The following PEX5L variants were observed in gnomAD, a reference collection of about 807,000 sequenced individuals.
PEX5L encodes the protein peroxisomal biogenesis factor 5 like, also known as PEX5-related protein.
In PEX5L, 30 loss-of-function variants were observed where a neutral mutation model predicts 84.0. The observed-to-expected ratio is 0.36, with a 90% confidence interval of 0.27 to 0.48. The LOEUF is 0.48. PEX5L is among the 20% of genes least tolerant of loss of function. The pLI is 0.99. For synonymous variants in PEX5L, 270 were observed against 283.1 expected (o/e 0.95, Z 0.46); for missense variants, 533 against 754.6 (o/e 0.71, Z 3.44).
intron 8 of PEX5L, among the ~76,000 whole-genome samples, chr3:179,829,415 T>A (rs2109094377): frequency 6.6e-6 from 1 of 152,334 alleles, no homozygotes; most frequent in African/African-American, 2.4e-5. Flanking sequence ...GCAGGAATCT[T>A]GGGGTTAGAT....
intron 2 of PEX5L, among the ~76,000 whole-genome samples, chr3:179,958,933 A>C (rs1441448420): frequency 6.6e-6 from 1 of 152,124 alleles, no homozygotes; most frequent in Non-Finnish European, 1.5e-5. Context: ...AGGCTGAGGC[A>C]GGAGAATGGC....
intron 2 of PEX5L, among the ~76,000 whole-genome samples, chr3:179,947,010 T>C (rs961834604): frequency 6.6e-6 from 1 of 152,214 alleles, no homozygotes; most frequent in Non-Finnish European, 1.5e-5. Context: ...AGGGGTTTCA[T>C]AGTATATGAA....
At chr3:180,023,757 C>A (rs1790630438) in intron 1 of PEX5L, among the ~76,000 whole-genome samples, 1 of 144,434 alleles carries the variant, frequency 6.9e-6, no homozygotes, top group African/African-American at 2.8e-5. Flanking sequence ...TCTACACACA[C>A]ACACGCACAC....
intron 7 of PEX5L, among the ~76,000 whole-genome samples, chr3:179,861,576 G>A (rs897386458): frequency 2.6e-5 from 4 of 152,216 alleles, no homozygotes; most frequent in Non-Finnish European, 5.9e-5. Context: ...GCGCCTCACT[G>A]TTGGGTGGGC....
intron 1 of PEX5L, among the ~76,000 whole-genome samples, chr3:180,003,330 G>A (rs1788593372): frequency 6.6e-6 from 1 of 151,900 alleles, no homozygotes; most frequent in African/African-American, 2.4e-5. Context: ...TGAGTGAGGA[G>A]CATATTAGGT....
At chr3:180,018,921 C>A (rs1463278196) in intron 1 of PEX5L, among the ~76,000 whole-genome samples, 2 of 152,024 alleles carry the variant, frequency 1.3e-5, no homozygotes, top group African/African-American at 4.8e-5. Flanking sequence ...GAACAGCAAG[C>A]CTAGAGTTTT....
intron 1 of PEX5L, among the ~76,000 whole-genome samples, chr3:179,993,827 T>C (rs1243820921): frequency 6.6e-6 from 1 of 152,154 alleles, no homozygotes; most frequent in East Asian, 1.9e-4. Flanking sequence ...AAATCATCTC[T>C]AGATTGCTTA....
intron 2 of PEX5L, among the ~76,000 whole-genome samples, chr3:179,938,854 T>C (rs904451541): frequency 1.3e-5 from 2 of 152,228 alleles, no homozygotes; most frequent in African/African-American, 4.8e-5. Flanking sequence ...AGACCAGTGC[T>C]GGATTGTCTT....
chr3:179,979,121 T>C (rs1267836018), intron 1 of PEX5L, among the ~76,000 whole-genome samples: 1 of 152,170 alleles, frequency 6.6e-6, no homozygotes, highest in Admixed American at 6.5e-5. Context: ...TGAGATCAAG[T>C]AGGCAGAAAA....
At chr3:179,988,415 T>TAAATAAATAAATAAATAAATAAATA (rs1426208086) in intron 1 of PEX5L, among the ~76,000 whole-genome samples, 2 of 150,664 alleles carry the variant, frequency 1.3e-5, no homozygotes, top group African/African-American at 4.9e-5. Context: ...AATAAATAAA[T>TAAATAAATAAATAAATAAATAAATA]AAATAAAATA....
intron 1 of PEX5L, among the ~76,000 whole-genome samples, chr3:180,007,255 T>G (rs1237092889): frequency 6.6e-6 from 1 of 152,132 alleles, no homozygotes; most frequent in Non-Finnish European, 1.5e-5. Flanking sequence ...ATTTTAAAGC[T>G]CCAAAATGAT....
At chr3:179,994,659 G>A (rs181647172) in intron 1 of PEX5L, among the ~76,000 whole-genome samples, 2 of 152,120 alleles carry the variant, frequency 1.3e-5, no homozygotes, top group African/African-American at 4.8e-5. Flanking sequence ...AGGATGCAAA[G>A]TATTGATCCT....
chr3:179,889,877 CT>C (rs751464170), intron 3 of PEX5L, among the ~76,000 whole-genome samples: 1 of 152,114 alleles, frequency 6.6e-6, no homozygotes, highest in Non-Finnish European at 1.5e-5. Flanking sequence ...ATTTGTAATA[CT>C]TTCTGGCATA....
chr3:180,024,885 C>A (rs577935036), intron 1 of PEX5L, among the ~76,000 whole-genome samples: 9 of 152,230 alleles, frequency 5.9e-5, no homozygotes, highest in African/African-American at 2.2e-4. Flanking sequence ...TTGTTGTTGA[C>A]AACCAGCTGA....
At chr3:179,948,735 A>G (rs1778282530) in intron 2 of PEX5L, among the ~76,000 whole-genome samples, 1 of 152,206 alleles carries the variant, frequency 6.6e-6, no homozygotes, top group South Asian at 2.1e-4. Flanking sequence ...AAAGTACTAG[A>G]TAAACAAAAA....
At chr3:179,952,754 T>C (rs7612374) in intron 2 of PEX5L, among the ~76,000 whole-genome samples, 108,909 of 152,010 alleles carry the variant, frequency 0.72, 39,602 homozygotes, top group East Asian at 0.89. Flanking sequence ...AAAACTACTT[T>C]AAATTTCATA....
At chr3:179,862,438 C>T (rs1263107471) in intron 7 of PEX5L, among the ~76,000 whole-genome samples, 1 of 152,148 alleles carries the variant, frequency 6.6e-6, no homozygotes, top group Non-Finnish European at 1.5e-5. Flanking sequence ...ATGCTGTAAC[C>T]TAGTAGAGAT....
chr3:179,998,489 G>A (rs1427357620), intron 1 of PEX5L, among the ~76,000 whole-genome samples: 2 of 152,200 alleles, frequency 1.3e-5, no homozygotes, highest in Non-Finnish European at 2.9e-5. Flanking sequence ...ACCTCTATAG[G>A]TGAATCACAG....
intron 2 of PEX5L, among the ~76,000 whole-genome samples, chr3:179,971,277 C>T (rs1784668497): frequency 6.6e-6 from 1 of 151,476 alleles, no homozygotes; most frequent in African/African-American, 2.4e-5. Context: ...TTTTATTGTT[C>T]TTGTTTATCT....
Sources: gnomAD v4.1 joint callset for allele counts (sites outside exome capture counted in the v4.1 genomes callset) on GRCh38, gnomAD v4.1.1 for gene constraint, MANE v1.5 for transcripts, NCBI Gene and HGNC (gene_info 2026-07-23, HGNC 2026-07-21) for gene names.